Variants in MSL2 observed in about 807,000 individuals in gnomAD.
MSL2 encodes the protein MSL complex subunit 2, also known as E3 ubiquitin-protein ligase MSL2.
MSL2 carries 2 observed loss-of-function variants against 35.8 expected under a neutral mutation model. The observed-to-expected ratio is 0.06, with a 90% confidence interval of 0.02 to 0.18. MSL2 has a LOEUF of 0.18. MSL2 is among the 10% of genes least tolerant of loss of function. The pLI is 1.00. For missense variants in MSL2, 523 were observed against 706.7 expected (o/e 0.74, Z 2.95); for synonymous variants, 296 against 255.7 (o/e 1.16, Z -1.50).
At chr3:136,176,436 G>C (rs1006778370) in intron 1 of MSL2, among the ~76,000 whole-genome samples, 3 of 147,952 alleles carry the variant, frequency 2.0e-5, no homozygotes, top group Admixed American at 6.9e-5. Context: ...AATCACCTAA[G>C]CCCAGGAGGT....
Position 136,151,035 on chromosome 3 carries a change from G to T in MSL2, c.*112C>A. 1 of 1,182,618 alleles carries T rather than the reference G, an allele frequency of 8.5e-7. No individual in the cohort carries two copies. The highest frequency in any genetic ancestry group is 1.2e-6 in the Non-Finnish European group (1 of 829,936). 73.3% of individuals were successfully genotyped at this position (1,182,618 alleles called of 1,614,324 possible). On this transcript the variant is annotated 3_prime_UTR_variant, in exon 2 of 2. Transcript: ENST00000309993. The surrounding 1 kb of genome is among the most constrained non-coding windows in gnomAD (Gnocchi z 5.2). Reference sequence around the variant, plus strand: ...ATATAACTTAGCAATGAAAACACTTGATACAAGTGATCTATATGCAGGAGC... The same window carrying T: ...ATATAACTTAGCAATGAAAACACTTTATACAAGTGATCTATATGCAGGAGC...
At chr3:136,193,616 A>G (rs1576380989) in intron 1 of MSL2, among the ~76,000 whole-genome samples, 1 of 152,256 alleles carries the variant, frequency 6.6e-6, no homozygotes, top group East Asian at 1.9e-4. Flanking sequence ...AAGTGGGAGT[A>G]GAGTGAGAGG....
intron 1 of MSL2, among the ~76,000 whole-genome samples, chr3:136,160,627 T>C (rs1238986982): frequency 2.0e-5 from 3 of 151,394 alleles, no homozygotes; most frequent in Non-Finnish European, 4.4e-5. Context: ...GGAGAATCGC[T>C]TGAACTCAGG....
At position 136,185,056 on chromosome 3, in the gene MSL2, C is replaced by T. The variant is rs1940480317; in HGVS notation, c.142+9916G>A. Among the ~76,000 whole-genome samples the T allele has an allele frequency of 3.3e-5, 5 of 152,092 alleles. No individual in the cohort carries two copies. The South Asian group carries it at 1.0e-3, about 31-fold the overall frequency. Reference sequence around the variant, plus strand: ...GTGGCAGGATCTCAGTTCACTGCAACCTCCACCTCCCAGGTTCAGGCAATT... The same window carrying T: ...GTGGCAGGATCTCAGTTCACTGCAATCTCCACCTCCCAGGTTCAGGCAATT... On this transcript the variant is annotated intron_variant, in intron 1 of 1. Transcript: ENST00000309993.
intron 1 of MSL2, among the ~76,000 whole-genome samples, chr3:136,168,274 C>T (rs920072161): frequency 1.3e-5 from 2 of 151,920 alleles, no homozygotes; most frequent in Non-Finnish European, 2.9e-5. Context: ...ATGACAAAAA[C>T]TTCACTTGCT....
chr3:136,152,889 G>A (rs1939413615), intron 1 of MSL2, 151 bp from the exon 2 acceptor site: 1 of 1,431,908 alleles, frequency 7.0e-7, no homozygotes, highest in Non-Finnish European at 9.1e-7. Context: ...AGAAGAAACG[G>A]AAGAATCTTC....
chr3:136,192,422 G>A (rs867302273), intron 1 of MSL2, among the ~76,000 whole-genome samples: 1 of 152,016 alleles, frequency 6.6e-6, no homozygotes, highest in Non-Finnish European at 1.5e-5. Flanking sequence ...CAAGCGATCC[G>A]CCCACCTTGG....
At chr3:136,194,933 A>G (rs1482473050) in intron 1 of MSL2, 39 bp downstream of exon 1, 1 of 1,612,474 alleles carries the variant, frequency 6.2e-7, no homozygotes, top group South Asian at 1.1e-5. Context: ...AGGCTTTTAA[A>G]AACAAGCATT....
intron 1 of MSL2, among the ~76,000 whole-genome samples, chr3:136,176,515 CAAAAA>C (rs771021498): frequency 9.2e-5 from 5 of 54,148 alleles, no homozygotes; most frequent in African/African-American, 3.2e-4. Context: ...GACCCTCTCT[CAAAAA>C]AAAAAAAAAA....
chr3:136,194,576 A>T, intron 1 of MSL2: 1 of 342,864 alleles, frequency 2.9e-6, no homozygotes, highest in Non-Finnish European at 4.2e-6. Context: ...AACACGCCAC[A>T]TGTGCCCACA....
intron 1 of MSL2, among the ~76,000 whole-genome samples, chr3:136,158,892 A>G (rs1939611316): frequency 1.3e-5 from 2 of 152,186 alleles, no homozygotes; most frequent in Non-Finnish European, 2.9e-5. Flanking sequence ...AAATATTTAG[A>G]AAAACTTTAA....
intron 1 of MSL2, among the ~76,000 whole-genome samples, chr3:136,170,818 A>G (rs1210706810): frequency 1.3e-5 from 2 of 152,068 alleles, no homozygotes; most frequent in Non-Finnish European, 2.9e-5. Context: ...ATATTTTTAA[A>G]TAACTCCAAT....
Position 136,184,750 on chromosome 3 carries a change from A to AGGG in MSL2, c.142+10219_142+10221dup, listed in dbSNP as rs5852838. ...TTAGATAAAGGTTAAAAAAAAAAAA[A>AGGG]GGGGGGGGGGGGGACAAAGGTCACG... On this transcript the variant is annotated intron_variant, in intron 1 of 1. Transcript: ENST00000309993. Among the ~76,000 whole-genome samples, 210 of 74,492 alleles carry AGGG rather than the reference A, an allele frequency of 2.8e-3. 1 individual carries two copies. The highest frequency in any genetic ancestry group is 5.4e-3 in the African/African-American group (85 of 15,654). 48.9% of individuals were successfully genotyped at this position (74,492 alleles called of 152,430 possible). A position where few individuals can be genotyped will look rare whatever the true frequency, so the allele number is the denominator to read the frequency against.
chr3:136,180,560 C>A (rs1940311013), intron 1 of MSL2, among the ~76,000 whole-genome samples: 1 of 151,082 alleles, frequency 6.6e-6, no homozygotes, highest in Non-Finnish European at 1.5e-5. Context: ...ATTAGCCGGG[C>A]ACGGAGGCTG....
intron 1 of MSL2, among the ~76,000 whole-genome samples, chr3:136,186,912 G>A (rs1000546156): frequency 3.3e-5 from 5 of 152,110 alleles, no homozygotes; most frequent in African/African-American, 1.2e-4. Flanking sequence ...TAAATCATCT[G>A]CAGATTACTT....
At chr3:136,156,106 GTC>G in intron 1 of MSL2, 1 of 205,266 alleles carries the variant, frequency 4.9e-6, no homozygotes, top group Non-Finnish European at 1.0e-5. Flanking sequence ...CTGTGCTGGA[GTC>G]CAGTATTTCT....
chr3:136,152,655 T>C lies in MSL2; in HGVS notation c.226A>G (p.Met76Val), dbSNP rs1939406539. ...VCKTCKGKKM[M>V]MKPSCSWCKD... is the part of the protein sequence containing the mutation. ...CACCAGCTACAGGAAGGTTTCATCATCATTTTCTTGCCTTTACAAGTTTTG... is the reference window on the plus strand; with the variant it reads ...CACCAGCTACAGGAAGGTTTCATCACCATTTTCTTGCCTTTACAAGTTTTG... Residue 76 changes from methionine to valine, a missense_variant, in exon 2 of 2, where the codon ATG (methionine) becomes GTG (valine). Transcript: ENST00000309993. 6.2e-7 allele frequency: 1 copy of C among 1,614,216 alleles called. No individual in the cohort carries two copies.
intron 1 of MSL2, among the ~76,000 whole-genome samples, chr3:136,182,955 A>G (rs1940411047): frequency 6.6e-6 from 1 of 152,202 alleles, no homozygotes; most frequent in South Asian, 2.1e-4. Context: ...CCTCAGTAGC[A>G]TGGAAAAACT....
rs776842751 is a variant in MSL2 at position 136,152,309 on chromosome 3, A to G, written c.572T>C (p.Ile191Thr). Residue 191 changes from isoleucine (I) to threonine (T), a missense_variant, in exon 2 of 2, where the codon ATC becomes ACC. Ile to Thr is a moderately conservative substitution (Grantham distance 89). Coordinates refer to ENST00000309993, the MANE Select transcript of MSL2 (RefSeq NM_018133.4). Reference sequence around the variant, plus strand: ...CCCATTATAAGTAGGCAAACCATTGATAACAGAACTGCCAATAGCAATGCT... The same window carrying G: ...CCCATTATAAGTAGGCAAACCATTGGTAACAGAACTGCCAATAGCAATGCT... Reference protein sequence around the residue: ...TLSIAIGSSVINGLPTYNGLS... With the variant: ...TLSIAIGSSVTNGLPTYNGLS... 1 of 1,614,100 alleles carries G rather than the reference A, an allele frequency of 6.2e-7. No individual in the cohort carries two copies. The highest frequency in any genetic ancestry group is 8.5e-7 in the Non-Finnish European group (1 of 1,179,920).
Sources: gnomAD v4.1 joint callset for allele counts (sites outside exome capture counted in the v4.1 genomes callset) on GRCh38, gnomAD v4.1.1 for gene constraint, Gnocchi (gnomAD v3.1) non-coding constraint, MANE v1.5 for transcripts, NCBI Gene and HGNC (gene_info 2026-07-23, HGNC 2026-07-21) for gene names.